Variants in RNF122 observed in about 807,000 individuals in gnomAD.
RNF122 encodes ring finger protein 122.
RNF122 carries 17 observed loss-of-function variants against 24.2 expected under a neutral mutation model. The observed-to-expected ratio is 0.70, with a 90% CI of 0.48 to 1.06. The LOEUF is 1.06. Ranked by LOEUF, RNF122 falls within the 50% of genes least tolerant of loss-of-function variation. RNF122 has a pLI of 0.00. For synonymous variants in RNF122, 65 were observed against 71.8 expected (o/e 0.91, Z 0.48); for missense variants, 168 against 198.1 (o/e 0.85, Z 0.91).
chr8:33,566,838 G>T lies in RNF122; in HGVS notation c.-115C>A. 8.3e-7 allele frequency: 1 copy of T among 1,206,512 alleles called. No homozygotes were observed. Among genetic ancestry groups the T allele is most frequent in the Admixed American group, 2.0e-5 (1 of 49,872 alleles). The allele number at this position is 1,206,512 out of a possible 1,614,324, so 74.7% of individuals were successfully genotyped here. On this transcript the variant is annotated 5_prime_UTR_variant, in exon 1 of 6. Coordinates refer to ENST00000256257, the MANE Select transcript of RNF122 (RefSeq NM_024787.3). The stretch of plus-strand genomic sequence containing the variant: ...GCAGGCGGGGTCGGGGCAGCGCGCT[G>T]CAGCCGCCCTGCTGGAGAAGCCGAA...
chr8:33,563,777 C>T (rs997937960), intron 1 of RNF122, among the ~76,000 whole-genome samples: 1 of 152,162 alleles, frequency 6.6e-6, no homozygotes, highest in Non-Finnish European at 1.5e-5. Flanking sequence ...CCCCCCGTTT[C>T]CTTAGTTCTT....
chr8:33,552,623 C>T (rs1280542387), intron 2 of RNF122, among the ~76,000 whole-genome samples: 2 of 152,092 alleles, frequency 1.3e-5, no homozygotes, highest in Non-Finnish European at 2.9e-5. Flanking sequence ...CACACCCTAC[C>T]TTTTATTAAG....
Position 33,549,280 on chromosome 8 carries a change from C to T in RNF122, c.353+130G>A, listed in dbSNP as rs117287154. On this transcript the variant is annotated intron_variant, in intron 5 of 5. Coordinates refer to ENST00000256257, the MANE Select transcript of RNF122 (RefSeq NM_024787.3). ...CAACCTAATCCCTCTGGGCTTTGCT[C>T]GGTGTTCACGTAGGACCTGGGGCAT... The T allele has an allele frequency of 4.6e-3, 3,419 of 747,158 alleles. 16 individuals are homozygous for T. The highest frequency in any genetic ancestry group is 6.2e-3 in the Non-Finnish European group (2,541 of 413,076). 46.3% of individuals were successfully genotyped at this position (747,158 alleles called of 1,614,324 possible). A position where few individuals can be genotyped will look rare whatever the true frequency, so the allele number is the denominator to read the frequency against.
Position 33,566,712 on chromosome 8 carries a change from G to C in RNF122, c.12C>G (p.Phe4Leu). The change falls in exon 1 of 6, where the codon TTC becomes TTG. Residue 4 changes from phenylalanine to leucine, a missense_variant. Transcript: ENST00000256257. Reference protein sequence around the residue: MHPFQWCNGCFCGL... With the variant: MHPLQWCNGCFCGL... ...CCGGGGACTCACCGTTACACCACTG[G>C]AATGGGTGCATCAATGAAGTCGCGG... 6.2e-7 allele frequency: 1 copy of C among 1,605,938 alleles called. No homozygotes were observed.
chr8:33,560,696 G>A lies in RNF122; in HGVS notation c.26-1925C>T, dbSNP rs532237871. Among the ~76,000 whole-genome samples, 4 of 152,174 alleles carry A rather than the reference G, an allele frequency of 2.6e-5. No individual in the cohort carries two copies. In the East Asian group the frequency reaches 7.7e-4, roughly 29 times the overall value. Reference sequence around the variant, plus strand: ...TCACGCCTGTAATCCCAGTACTTTGGGAGCCCGAGACGGCTGGATGGCTTG... The same window carrying A: ...TCACGCCTGTAATCCCAGTACTTTGAGAGCCCGAGACGGCTGGATGGCTTG... On this transcript the variant is annotated intron_variant, in intron 1 of 5. Transcript: ENST00000256257.
At chr8:33,559,969 G>A (rs1216728670) in intron 1 of RNF122, among the ~76,000 whole-genome samples, 2 of 151,462 alleles carry the variant, frequency 1.3e-5, no homozygotes, top group Non-Finnish European at 1.5e-5. Context: ...AGCCTCCCGA[G>A]TAGCTGGGAT....
chr8:33,565,231 GTTCA>G (rs1467897049), intron 1 of RNF122, among the ~76,000 whole-genome samples: 12 of 152,250 alleles, frequency 7.9e-5, no homozygotes, highest in African/African-American at 2.9e-4. Context: ...ACACGGCTTG[GTTCA>G]TTTTCAGGAA....
At chr8:33,558,126 C>A (rs1810483384) in intron 2 of RNF122, among the ~76,000 whole-genome samples, 1 of 152,090 alleles carries the variant, frequency 6.6e-6, no homozygotes, top group Non-Finnish European at 1.5e-5. Flanking sequence ...CTCAAAAAAA[C>A]AAAACAAAAC....
chr8:33,548,027 A>G lies in RNF122; in HGVS notation c.*726T>C, dbSNP rs895591763. The stretch of plus-strand genomic sequence containing the variant: ...AAAAAGGCCCCTGGGAATCAATTTA[A>G]GTATAGAACTAGCCCTCCTCTAGAG... On this transcript the variant is annotated 3_prime_UTR_variant, in exon 6 of 6. Transcript: ENST00000256257. 4 of 150,602 alleles carry G rather than the reference A, an allele frequency of 2.7e-5. No individual in the cohort carries two copies. Among genetic ancestry groups the G allele is most frequent in the Admixed American group, 2.7e-4 (4 of 15,084 alleles). 9.3% of individuals were successfully genotyped at this position (150,602 alleles called of 1,614,324 possible).
intron 1 of RNF122, among the ~76,000 whole-genome samples, chr8:33,559,840 GTTT>G (rs34393992): frequency 0.041 from 5,381 of 131,390 alleles, 337 homozygotes; most frequent in African/African-American, 0.14. Flanking sequence ...GACCTACGCT[GTTT>G]TTTTTTTTTT....
At chr8:33,560,479 A>T (rs1302785463) in intron 1 of RNF122, among the ~76,000 whole-genome samples, 1 of 151,778 alleles carries the variant, frequency 6.6e-6, no homozygotes, top group Non-Finnish European at 1.5e-5. Flanking sequence ...CCTCAATGAG[A>T]TCCTCCTGCC....
At chr8:33,554,922 C>T (rs1205919193) in intron 2 of RNF122, among the ~76,000 whole-genome samples, 1 of 152,146 alleles carries the variant, frequency 6.6e-6, no homozygotes, top group Admixed American at 6.6e-5. Context: ...GAAGTGGGGC[C>T]TATTTTGGCT....
At chr8:33,564,502 G>T (rs1345245285) in intron 1 of RNF122, among the ~76,000 whole-genome samples, 5 of 152,156 alleles carry the variant, frequency 3.3e-5, no homozygotes, top group Non-Finnish European at 5.9e-5. Context: ...CAGCCTGGGA[G>T]TTGGAGGCCG....
At position 33,549,413 on chromosome 8, in the gene RNF122, C is replaced by G; in HGVS notation, c.350G>C (p.Arg117Pro). The change falls in exon 5 of 6, where the codon CGC becomes CCC. Residue 117 changes from arginine (R) to proline (P), a missense_variant. By Grantham distance (103) the Arg-to-Pro change is moderately radical. Transcript: ENST00000256257. ...GVLPCQHAFH[R>P]KCLVKWLEVR... ...CCCTGGACACATTCCCACGTACTTG[C>G]GGTGAAAGGCGTGTTGGCACGGGAG... 1 of 1,613,164 alleles carries G rather than the reference C, an allele frequency of 6.2e-7. No homozygotes were observed. Among genetic ancestry groups the G allele is most frequent in the Non-Finnish European group, 8.5e-7 (1 of 1,179,128 alleles).
At chr8:33,562,584 G>T (rs902101944) in intron 1 of RNF122, among the ~76,000 whole-genome samples, 8 of 151,014 alleles carry the variant, frequency 5.3e-5, no homozygotes, top group African/African-American at 1.9e-4. Flanking sequence ...ATGATCTGAT[G>T]ATCTTACCAC....
rs1043566305 is a variant in RNF122, at chr8:33,564,708, A to G, written c.25+1991T>C. The stretch of plus-strand genomic sequence containing the variant: ...AACAACATGGAGAAACCCCCTCTCT[A>G]CTAAAAATACAAAATTAGCCGGCCA... On this transcript the variant is annotated intron_variant, in intron 1 of 5. Transcript: ENST00000256257. 6.2e-4 allele frequency among the ~76,000 whole-genome samples: 94 copies of G among 152,148 alleles called. 2 individuals carry two copies. Among genetic ancestry groups the G allele is most frequent in the Admixed American group, 6.1e-3 (93 of 15,272 alleles).
At chr8:33,552,286 C>A (rs1205908543) in intron 2 of RNF122, among the ~76,000 whole-genome samples, 1 of 152,090 alleles carries the variant, frequency 6.6e-6, no homozygotes, top group Non-Finnish European at 1.5e-5. Flanking sequence ...GTAATCCTAG[C>A]TACTTGGGAG....
chr8:33,560,120 G>A (rs1368483834), intron 1 of RNF122, among the ~76,000 whole-genome samples: 1 of 152,054 alleles, frequency 6.6e-6, no homozygotes, highest in East Asian at 1.9e-4. Context: ...GGGATTACAG[G>A]CATGAGCCAC....
intron 4 of RNF122, among the ~76,000 whole-genome samples, chr8:33,549,827 TG>T (rs1410514357): frequency 6.6e-6 from 1 of 152,208 alleles, no homozygotes; most frequent in African/African-American, 2.4e-5. Flanking sequence ...TGGAAATTAC[TG>T]TCCTAGAAGA....
Sources: gnomAD v4.1 joint callset for allele counts (sites outside exome capture counted in the v4.1 genomes callset) on GRCh38, gnomAD v4.1.1 for gene constraint, MANE v1.5 for transcripts, NCBI Gene and HGNC (gene_info 2026-07-23, HGNC 2026-07-21) for gene names.